Variants in MDM4 observed in about 807,000 individuals in gnomAD.
MDM4 encodes protein Mdm4.
Under a neutral mutation model 60.2 loss-of-function variants are expected in MDM4, and 2 were observed. That is an observed-to-expected ratio of 0.03 (90% CI 0.01 to 0.10). The LOEUF is 0.10. Among genes scored for constraint, MDM4 ranks in the 10% least tolerant of loss-of-function variants. MDM4 has a pLI of 1.00. For synonymous variants in MDM4, 202 were observed against 198.1 expected, an observed-to-expected ratio of 1.02 and a Z score of -0.17; for missense variants, 447 against 577.5, an observed-to-expected ratio of 0.77 and a Z score of 2.32.
At chr1:204,539,943 CA>C (rs1339137990) in intron 7 of MDM4, among the ~76,000 whole-genome samples, 4 of 151,926 alleles carry the variant, frequency 2.6e-5, no homozygotes, top group Non-Finnish European at 5.9e-5. Context: ...TAAAATATTA[CA>C]AAAAACTGTC....
At chr1:204,530,950 C>T in intron 4 of MDM4, 133 bp downstream of exon 4, 1 of 1,152,638 alleles carries the variant, frequency 8.7e-7, no homozygotes, top group Non-Finnish European at 1.2e-6. Flanking sequence ...GCCTATGAGG[C>T]ACTGAGAATA....
At position 204,525,610 on chromosome 1, in the gene MDM4, G is replaced by A. The variant is rs4252676; in HGVS notation, c.78+14G>A. The A allele has an allele frequency of 1.3e-3, 1,896 of 1,515,690 alleles. 20 individuals are homozygous for A. The African/African-American group carries it at 0.023, about 19-fold the overall frequency. The allele number at this position is 1,515,690 out of a possible 1,614,324, so 93.9% of individuals were successfully genotyped here. ...CAAATCAATCAGGTAAATCATTTTC[G>A]GTATTTCTAGTTTTTTGGTTTTTTT... On this transcript the variant is annotated intron_variant, in intron 2 of 10. Transcript: ENST00000367182.
chr1:204,523,326 G>A (rs1659760353), intron 1 of MDM4, among the ~76,000 whole-genome samples: 1 of 149,340 alleles, frequency 6.7e-6, no homozygotes, highest in Admixed American at 6.6e-5. Context: ...AATTAGCTGG[G>A]CGTGGTGGTG....
At position 204,530,810 on chromosome 1, in the gene MDM4, G is replaced by T; in HGVS notation, c.280G>T (p.Asp94Tyr). 1 of 1,614,194 alleles carries T rather than the reference G, an allele frequency of 6.2e-7. No individual in the cohort carries two copies. Among genetic ancestry groups the T allele is most frequent in the Non-Finnish European group, 8.5e-7 (1 of 1,180,032 alleles). The change falls in exon 4 of 11, where the codon GAC becomes TAC. Residue 94 changes from aspartate (D) to tyrosine (Y), a missense_variant. Physicochemically the swap from Asp to Tyr is radical, Grantham distance 160 (BLOSUM62 -3). Transcript: ENST00000367182. ...GGGACGTCAGAGCTTCTCCGTGAAAGACCCAAGGTAAAAACAGTGAGGGCT... is the reference window on the plus strand; with the variant it reads ...GGGACGTCAGAGCTTCTCCGTGAAATACCCAAGGTAAAAACAGTGAGGGCT... ...LLGRQSFSVKDPSPLYDMLRK... is the reference protein window; with the variant it reads ...LLGRQSFSVKYPSPLYDMLRK...
chr1:204,532,089 G>T, intron 4 of MDM4, 102 bp from the exon 5 acceptor site: 1 of 701,806 alleles, frequency 1.4e-6, no homozygotes. Context: ...AGAGAGACTT[G>T]GGAGATAACA....
chr1:204,516,477 C>T lies in MDM4; in HGVS notation c.-68C>T, dbSNP rs1658979601. 3 of 152,280 alleles carry T rather than the reference C, an allele frequency of 2.0e-5. No individual in the cohort carries two copies. Among genetic ancestry groups the T allele is most frequent in the Admixed American group, 2.0e-4 (3 of 15,280 alleles). The allele number at this position is 152,280 out of a possible 1,614,324, so 9.4% of individuals were successfully genotyped here. A position where few individuals can be genotyped will look rare whatever the true frequency, so the allele number is the denominator to read the frequency against. On this transcript the variant is annotated 5_prime_UTR_variant, in exon 1 of 11. Coordinates refer to ENST00000367182, the MANE Select transcript of MDM4 (RefSeq NM_002393.5). ...TGCCACCCCTCCCCCCACCCGGGCT[C>T]GGCGGGGGAGCGACTCATGGAGCTG...
rs150763000 is a variant in MDM4 at position 204,543,425 on chromosome 1, T to C, written c.672+481T>C. Among the ~76,000 whole-genome samples the C allele has an allele frequency of 3.3e-4, 51 of 152,360 alleles. 1 individual carries two copies. Among genetic ancestry groups the C allele is most frequent in the African/African-American group, 1.2e-3 (48 of 41,584 alleles). On this transcript the variant is annotated intron_variant, in intron 8 of 10. Coordinates refer to ENST00000367182, the MANE Select transcript of MDM4 (RefSeq NM_002393.5). ...TTCAGCCCCCTCCTTCCTCACTTCC[T>C]GTCATTCTTCTTTGTTCACTACATG... is the stretch of plus-strand genomic sequence containing the variant.
rs1258911457 is a variant in MDM4, at chr1:204,552,317, CGTT to C, written c.*2640_*2642del. 1.5e-5 allele frequency: 2 copies of C among 135,072 alleles called. No individual in the cohort carries two copies. The highest frequency in any genetic ancestry group is 3.1e-5 in the Non-Finnish European group (2 of 64,042). The allele number at this position is 135,072 out of a possible 1,614,324, so 8.4% of individuals were successfully genotyped here. On this transcript the variant is annotated 3_prime_UTR_variant, in exon 11 of 11. Transcript: ENST00000367182. ...CGCAAAAAGAAAAATCTCATAATGT[CGTT>C]GTTGGTTTTTTTTTTTTTTTTTGAG...
In MDM4 at chr1:204,555,462, C is replaced by T. The variant is rs1433388099; in HGVS notation, c.*5780C>T. ...GCCACCGCGCCCGGCCGGAACTCTC[C>T]ATTTCTTAAGGTAAAGAGGGTCAAG... On this transcript the variant is annotated 3_prime_UTR_variant, in exon 11 of 11. Coordinates refer to ENST00000367182, the MANE Select transcript of MDM4 (RefSeq NM_002393.5). 6.0e-6 allele frequency: 1 copy of T among 166,548 alleles called. No homozygotes were observed. Among genetic ancestry groups the T allele is most frequent in the Non-Finnish European group, 1.3e-5 (1 of 76,126 alleles). 10.3% of individuals were successfully genotyped at this position (166,548 alleles called of 1,614,324 possible).
intron 3 of MDM4, chr1:204,529,712 C>T (rs1398272683): frequency 1.9e-6 from 1 of 534,418 alleles, no homozygotes; most frequent in African/African-American, 1.9e-5. Flanking sequence ...TCTGACGTCA[C>T]ACACAGGCAA....
At chr1:204,517,220 C>G (rs1050058594) in intron 1 of MDM4, among the ~76,000 whole-genome samples, 1 of 149,772 alleles carries the variant, frequency 6.7e-6, no homozygotes, top group Non-Finnish European at 1.5e-5. Flanking sequence ...CCAGCTTGGG[C>G]TACAGAGGGA....
chr1:204,553,290 G>T lies in MDM4; in HGVS notation c.*3608G>T. Reference sequence around the variant, plus strand: ...GCATAGTTTATATGTGAAGTGTTCAGAGTTTACTGCTATAAGGAAACTTCC... The same window carrying T: ...GCATAGTTTATATGTGAAGTGTTCATAGTTTACTGCTATAAGGAAACTTCC... On this transcript the variant is annotated 3_prime_UTR_variant, in exon 11 of 11. Coordinates refer to ENST00000367182, the MANE Select transcript of MDM4 (RefSeq NM_002393.5). 4.8e-6 allele frequency: 1 copy of T among 210,262 alleles called. No individual in the cohort carries two copies. Among genetic ancestry groups the T allele is most frequent in the Non-Finnish European group, 9.7e-6 (1 of 103,296 alleles). 13.0% of individuals were successfully genotyped at this position (210,262 alleles called of 1,614,324 possible).
intron 7 of MDM4, among the ~76,000 whole-genome samples, chr1:204,540,579 A>G (rs1222933346): frequency 1.3e-5 from 2 of 151,960 alleles, no homozygotes; most frequent in East Asian, 3.9e-4. Flanking sequence ...CCTGGTCAAC[A>G]TGGTGAAACA....
At position 204,537,458 on chromosome 1, in the gene MDM4, G is replaced by A; in HGVS notation, c.372G>A (p.Gln124=). The change falls in exon 6 of 11, where the codon CAG becomes CAA. Residue 124 remains glutamine, a synonymous_variant. Coordinates refer to ENST00000367182, the MANE Select transcript of MDM4 (RefSeq NM_002393.5). The part of the protein sequence containing the change: ...TDAAQTLALA[Q]DHSMDIPSQD... ...CTGCTCAGACTCTCGCTCTCGCACA[G>A]GATCACAGTATGGATATTCCAAGTC... The A allele has an allele frequency of 6.2e-7, 1 of 1,613,890 alleles. No individual in the cohort carries two copies. Among genetic ancestry groups the A allele is most frequent in the South Asian group, 1.1e-5 (1 of 91,068 alleles).
chr1:204,527,847 G>T (rs1660372232), intron 3 of MDM4, among the ~76,000 whole-genome samples: 1 of 150,444 alleles, frequency 6.6e-6, no homozygotes, highest in Non-Finnish European at 1.5e-5. Flanking sequence ...CTAAAGAGAA[G>T]AAACAAAATT....
chr1:204,540,636 G>A (rs1412891182), intron 7 of MDM4, among the ~76,000 whole-genome samples: 1 of 151,950 alleles, frequency 6.6e-6, no homozygotes, highest in Non-Finnish European at 1.5e-5. Context: ...GGTGGCAGGC[G>A]CCTGTAATCC....
chr1:204,551,296 T>C lies in MDM4; in HGVS notation c.*1614T>C. The C allele has an allele frequency of 4.4e-6, 1 of 228,884 alleles. No individual in the cohort carries two copies. The highest frequency in any genetic ancestry group is 6.2e-5 in the East Asian group (1 of 16,034). 14.2% of individuals were successfully genotyped at this position (228,884 alleles called of 1,614,324 possible). A position where few individuals can be genotyped will look rare whatever the true frequency, so the allele number is the denominator to read the frequency against. On this transcript the variant is annotated 3_prime_UTR_variant, in exon 11 of 11. Transcript: ENST00000367182. ...TCTAGCCTCAAGCAACCCTCCTGCC[T>C]CAGCCTCTCAAAGTGCTAGGATTGC...
Position 204,554,494 on chromosome 1 carries a change from C to T in MDM4, c.*4812C>T, listed in dbSNP as rs941848988. The T allele has an allele frequency of 8.9e-6, 2 of 224,920 alleles. No homozygotes were observed. The highest frequency in any genetic ancestry group is 1.8e-5 in the Non-Finnish European group (2 of 112,900). The allele number at this position is 224,920 out of a possible 1,614,324, so 13.9% of individuals were successfully genotyped here. A position where few individuals can be genotyped will look rare whatever the true frequency, so the allele number is the denominator to read the frequency against. On this transcript the variant is annotated 3_prime_UTR_variant, in exon 11 of 11. Transcript: ENST00000367182. ...TATGTTTTTAGAATCAAAGATGAAC[C>T]GGTAAGCTGTCTCATGTACCAAACG...
At position 204,554,741 on chromosome 1, in the gene MDM4, T is replaced by C. The variant is rs983172176; in HGVS notation, c.*5059T>C. 1.3e-5 allele frequency: 3 copies of C among 227,024 alleles called. No homozygotes were observed. Among genetic ancestry groups the C allele is most frequent in the Non-Finnish European group, 2.6e-5 (3 of 114,256 alleles). The allele number at this position is 227,024 out of a possible 1,614,324, so 14.1% of individuals were successfully genotyped here. Reference sequence around the variant, plus strand: ...TTGGGAACAGTTTTTCCTGATTGCTTTGAGAAGTACTTTCTTTTGACAGAA... The same window carrying C: ...TTGGGAACAGTTTTTCCTGATTGCTCTGAGAAGTACTTTCTTTTGACAGAA... On this transcript the variant is annotated 3_prime_UTR_variant, in exon 11 of 11. Coordinates refer to ENST00000367182, the MANE Select transcript of MDM4 (RefSeq NM_002393.5).
Sources: allele counts gnomAD v4.1 joint callset (sites outside exome capture counted in the v4.1 genomes callset), GRCh38; gene constraint gnomAD v4.1.1; transcripts MANE v1.5; gene names NCBI Gene and HGNC (gene_info 2026-07-23, HGNC 2026-07-21).